GABRB3: variants seen among roughly 807,000 people sequenced by gnomAD.
GABRB3 encodes the protein gamma-aminobutyric acid type A receptor subunit beta3, also known as gamma-aminobutyric acid receptor subunit beta-3.
A neutral mutation model predicts 52.1 loss-of-function variants in GABRB3; 14 were observed. The observed-to-expected ratio is 0.27, with a 90% CI of 0.18 to 0.42. The LOEUF is 0.42. Ranked by LOEUF, GABRB3 falls within the 10% of genes least tolerant of loss-of-function variation. The pLI, the probability that GABRB3 is intolerant of heterozygous loss-of-function variation, is 1.00. For missense variants in GABRB3, 307 were observed against 609.1 expected, an observed-to-expected ratio of 0.50 and a Z score of 5.22; for synonymous variants, 260 against 232.3, an observed-to-expected ratio of 1.12 and a Z score of -1.08.
intron 6 of GABRB3, among the ~76,000 whole-genome samples, chr15:26,576,578 A>T (rs915518974): frequency 2.6e-5 from 4 of 152,206 alleles, no homozygotes; most frequent in African/African-American, 7.2e-5. Flanking sequence ...GATTTATTTA[A>T]ATCTGGAGAG....
intron 4 of GABRB3, among the ~76,000 whole-genome samples, chr15:26,600,287 C>A (rs1891540628): frequency 6.6e-6 from 1 of 151,190 alleles, no homozygotes; most frequent in African/African-American, 2.4e-5. Context: ...ATAGGATTTG[C>A]AGAAGTAGAA....
intron 3 of GABRB3, chr15:26,624,140 G>C: frequency 1.1e-6 from 1 of 939,508 alleles, no homozygotes. Flanking sequence ...CGGACACTGG[G>C]CTGATGCAGA....
intron 3 of GABRB3, among the ~76,000 whole-genome samples, chr15:26,687,478 T>G (rs1359354537): frequency 6.6e-6 from 1 of 152,074 alleles, no homozygotes; most frequent in East Asian, 1.9e-4. Flanking sequence ...ACATCATGCT[T>G]CTCTTTCTCT....
intron 3 of GABRB3, among the ~76,000 whole-genome samples, chr15:26,656,810 G>A (rs1887387959): frequency 6.6e-6 from 1 of 152,320 alleles, no homozygotes; most frequent in African/African-American, 2.4e-5. Flanking sequence ...GATGCCTGGT[G>A]CCAAAAAGGT....
intron 4 of GABRB3, among the ~76,000 whole-genome samples, chr15:26,611,327 T>C (rs1286568652): frequency 6.6e-6 from 1 of 152,212 alleles, no homozygotes; most frequent in Non-Finnish European, 1.5e-5. Context: ...ATAAAAATTA[T>C]GAGGAAACAT....
chr15:26,723,945 G>A (rs1027138866), intron 3 of GABRB3, among the ~76,000 whole-genome samples: 2 of 152,048 alleles, frequency 1.3e-5, no homozygotes, highest in Non-Finnish European at 2.9e-5. Flanking sequence ...AATGGTAATT[G>A]GCTAGCCCCA....
chr15:26,634,374 T>A (rs954137272), intron 3 of GABRB3, among the ~76,000 whole-genome samples: 1 of 152,052 alleles, frequency 6.6e-6, no homozygotes, highest in Non-Finnish European at 1.5e-5. Flanking sequence ...AGAAGCAATA[T>A]ACCAGCCTCT....
rs1001286077 is a variant in GABRB3, at chr15:26,543,867, G to C, written c.*3926C>G. 4 of 152,542 alleles carry C rather than the reference G, an allele frequency of 2.6e-5. No homozygotes were observed. The highest frequency in any genetic ancestry group is 9.7e-5 in the African/African-American group (4 of 41,422). 9.4% of individuals were successfully genotyped at this position (152,542 alleles called of 1,614,324 possible). ...GGTTGGTCCTAGGGAGAGGCATACG[G>C]GAGCCACTCTCTGGAAGGTCATTGT... On this transcript the variant is annotated 3_prime_UTR_variant, in exon 9 of 9. Coordinates refer to ENST00000311550, the MANE Select transcript of GABRB3 (RefSeq NM_000814.6).
At chr15:26,762,656 G>T (rs1458907275) in intron 3 of GABRB3, among the ~76,000 whole-genome samples, 1 of 152,156 alleles carries the variant, frequency 6.6e-6, no homozygotes. Context: ...TTATGTGTTG[G>T]CCATAATTTC....
rs541789587 is a variant in GABRB3 at position 26,714,343 on chromosome 15, A to T, written c.240+58059T>A. ...AGGTTTCAGTTAATTTAGAAAGTTT[A>T]TTTTGCCAGGGTTGAGGCTGCAAGT... On this transcript the variant is annotated intron_variant, in intron 3 of 8. Coordinates refer to ENST00000311550, the MANE Select transcript of GABRB3 (RefSeq NM_000814.6). Among the ~76,000 whole-genome samples, 7 of 152,266 alleles carry T rather than the reference A, an allele frequency of 4.6e-5. No homozygotes were observed. The South Asian group carries it at 1.5e-3, about 32-fold the overall frequency.
chr15:26,758,098 A>G (rs1216432767), intron 3 of GABRB3, among the ~76,000 whole-genome samples: 4 of 152,054 alleles, frequency 2.6e-5, no homozygotes, highest in African/African-American at 9.7e-5. Flanking sequence ...GAAAAAAAAA[A>G]AACCGTAGAG....
intron 3 of GABRB3, among the ~76,000 whole-genome samples, chr15:26,745,496 T>C (rs1213071340): frequency 1.3e-5 from 2 of 152,154 alleles, no homozygotes; most frequent in African/African-American, 4.8e-5. Flanking sequence ...TGTATTCATA[T>C]GTGGGCAGGA....
At chr15:26,599,082 G>C (rs1437499985) in intron 4 of GABRB3, among the ~76,000 whole-genome samples, 1 of 152,144 alleles carries the variant, frequency 6.6e-6, no homozygotes, top group Admixed American at 6.5e-5. Context: ...ATTCCACTCA[G>C]CCAAAAAGCC....
intron 3 of GABRB3, chr15:26,624,201 C>G (rs1892594485): frequency 1.0e-6 from 1 of 985,544 alleles, no homozygotes; most frequent in Non-Finnish European, 1.2e-6. Flanking sequence ...CCCTTCATCA[C>G]CATTACCTTT....
intron 3 of GABRB3, among the ~76,000 whole-genome samples, chr15:26,672,857 A>G (rs1887942152): frequency 6.6e-6 from 1 of 152,210 alleles, no homozygotes; most frequent in African/African-American, 2.4e-5. Context: ...AAAGAGAGAA[A>G]AACACCAAGA....
chr15:26,638,345 T>C (rs755924198), intron 3 of GABRB3, among the ~76,000 whole-genome samples: 3 of 152,180 alleles, frequency 2.0e-5, no homozygotes, highest in Non-Finnish European at 4.4e-5. Flanking sequence ...CCTTTTTACT[T>C]TACTGGCTGG....
At chr15:26,762,947 A>G (rs1339067140) in intron 3 of GABRB3, among the ~76,000 whole-genome samples, 1 of 152,234 alleles carries the variant, frequency 6.6e-6, no homozygotes, top group East Asian at 1.9e-4. Context: ...GGCACAGTCC[A>G]ATATACCCTC....
intron 4 of GABRB3, among the ~76,000 whole-genome samples, chr15:26,585,130 G>T (rs1305138022): frequency 1.3e-5 from 2 of 152,216 alleles, no homozygotes; most frequent in Non-Finnish European, 2.9e-5. Context: ...TGGCCTTGCT[G>T]AATGTGTGCT....
chr15:26,621,735 T>C lies in GABRB3; in HGVS notation c.241-201A>G, dbSNP rs942408584. Among the ~76,000 whole-genome samples the C allele has an allele frequency of 1.3e-5, 2 of 152,192 alleles. No individual in the cohort carries two copies. Among genetic ancestry groups the C allele is most frequent in the African/African-American group, 4.8e-5 (2 of 41,448 alleles). On this transcript the variant is annotated intron_variant, in intron 3 of 8. Coordinates refer to ENST00000311550, the MANE Select transcript of GABRB3 (RefSeq NM_000814.6). The surrounding 1 kb of genome is among the most constrained non-coding windows in gnomAD (Gnocchi z 4.1). ...CAGTTTTAATAGGTACATGAGTCTG[T>C]GTGTGTCACGTATAGATGTCCTCTG...
Sources: allele counts gnomAD v4.1 joint callset (sites outside exome capture counted in the v4.1 genomes callset), GRCh38; gene constraint gnomAD v4.1.1; non-coding constraint Gnocchi (gnomAD v3.1); transcripts MANE v1.5; gene names NCBI Gene and HGNC (gene_info 2026-07-23, HGNC 2026-07-21).